The following TRPC1 variants were observed in gnomAD, a reference collection of about 807,000 sequenced individuals.
TRPC1 encodes the protein transient receptor potential cation channel subfamily C member 1.
In TRPC1, 42 loss-of-function variants were observed where a neutral mutation model predicts 88.2. The ratio of observed to expected loss-of-function variants is 0.48; its 90% CI spans 0.37 to 0.62. TRPC1 has a LOEUF of 0.62. TRPC1 is among the 20% of genes least tolerant of loss of function. The probability of loss-of-function intolerance (pLI) is 0.00; values close to 1 mark genes in which losing one functional copy is unlikely to be tolerated. For missense variants in TRPC1, 699 were observed against 957.3 expected, an observed-to-expected ratio of 0.73 and a Z score of 3.56; for synonymous variants, 288 against 331.8, an observed-to-expected ratio of 0.87 and a Z score of 1.43.
intron 9 of TRPC1, 96 bp from the exon 10 acceptor site, chr3:142,802,073 T>C (rs1022727617): frequency 1.2e-6 from 1 of 806,492 alleles, no homozygotes; most frequent in Non-Finnish European, 1.8e-6. Context: ...CTGTGGATTA[T>C]GTGTTTGTCT....
At chr3:142,781,150 G>T in intron 6 of TRPC1, 121 bp downstream of exon 6, 1 of 728,840 alleles carries the variant, frequency 1.4e-6, no homozygotes, top group Non-Finnish European at 2.0e-6. Flanking sequence ...TAAAAATTGT[G>T]TGTCTTGGGA....
At chr3:142,800,600 T>C (rs1578012405) in intron 9 of TRPC1, among the ~76,000 whole-genome samples, 1 of 152,092 alleles carries the variant, frequency 6.6e-6, no homozygotes, top group East Asian at 1.9e-4. Flanking sequence ...AAGGGTTGTT[T>C]CAAAACACTC....
At chr3:142,751,883 C>G (rs574505624) in intron 4 of TRPC1, among the ~76,000 whole-genome samples, 1 of 152,264 alleles carries the variant, frequency 6.6e-6, no homozygotes, top group African/African-American at 2.4e-5. Context: ...ATTTTCAAGT[C>G]TATTTTACAA....
chr3:142,785,628 G>A (rs568725589), intron 7 of TRPC1, among the ~76,000 whole-genome samples: 40 of 152,206 alleles, frequency 2.6e-4, no homozygotes, highest in Middle Eastern at 3.4e-3. Flanking sequence ...TAGCCTCCCA[G>A]TAGCTGGGAT....
rs1044215678 is a variant in TRPC1, at chr3:142,759,910, A to G, written c.632+11450A>G. Reference sequence around the variant, plus strand: ...TGCTCTGTTGCCCAGGCTGGAGTGCAGTGGCGCGATCTCGGCTCACTGCAA... The same window carrying G: ...TGCTCTGTTGCCCAGGCTGGAGTGCGGTGGCGCGATCTCGGCTCACTGCAA... On this transcript the variant is annotated intron_variant, in intron 4 of 12. Coordinates refer to ENST00000476941, the MANE Select transcript of TRPC1 (RefSeq NM_001251845.2). Among the ~76,000 whole-genome samples, 13 of 152,292 alleles carry G rather than the reference A, an allele frequency of 8.5e-5. No homozygotes were observed. In the East Asian group the frequency reaches 2.3e-3, roughly 27 times the overall value.
intron 8 of TRPC1, among the ~76,000 whole-genome samples, chr3:142,791,425 T>A (rs1214637051): frequency 6.6e-6 from 1 of 152,178 alleles, no homozygotes; most frequent in Non-Finnish European, 1.5e-5. Flanking sequence ...ACTGGGATTC[T>A]TTGAGACTGA....
intron 11 of TRPC1, 100 bp from the exon 12 acceptor site, chr3:142,804,335 GC>G (rs1188811479): frequency 8.4e-7 from 1 of 1,193,150 alleles, no homozygotes; most frequent in African/African-American, 1.6e-5. Flanking sequence ...TATAATAATT[GC>G]AAATGTTGAA....
intron 1 of TRPC1, among the ~76,000 whole-genome samples, chr3:142,731,374 ATTTTTTTTTTTTTT>A (rs59613066): frequency 5.0e-5 from 4 of 79,524 alleles, no homozygotes; most frequent in East Asian, 7.2e-4. Context: ...ATATGTTTTG[ATTTTTTTTTTTTTT>A]TTTTTTTTTT....
intron 5 of TRPC1, among the ~76,000 whole-genome samples, chr3:142,779,227 G>A (rs1049500046): frequency 6.6e-6 from 1 of 152,104 alleles, no homozygotes; most frequent in African/African-American, 2.4e-5. Flanking sequence ...ATTTATAAAG[G>A]CTAGATTTTT....
intron 6 of TRPC1, among the ~76,000 whole-genome samples, chr3:142,781,676 A>G (rs1935962273): frequency 6.6e-6 from 1 of 152,150 alleles, no homozygotes; most frequent in Admixed American, 6.5e-5. Context: ...TTGAATCAGG[A>G]AAATATGCAT....
At position 142,748,470 on chromosome 3, in the gene TRPC1, TTAAACTTTTGA is replaced by T. The variant is rs746567533; in HGVS notation, c.632+15_632+25del. On this transcript the variant is annotated intron_variant, in intron 4 of 12. Transcript: ENST00000476941. ...GCCTCCGGCATTCCAGGTTAGAACATTAAACTTTTGATAAATAGATGTGTGATATATATCAA... is the reference window on the plus strand; with the variant it reads ...GCCTCCGGCATTCCAGGTTAGAACATTAAATAGATGTGTGATATATATCAA... 2 of 1,613,126 alleles carry T rather than the reference TTAAACTTTTGA, an allele frequency of 1.2e-6. No individual in the cohort carries two copies. Among genetic ancestry groups the T allele is most frequent in the Non-Finnish European group, 1.7e-6 (2 of 1,179,180 alleles).
At chr3:142,748,928 A>C (rs1187944206) in intron 4 of TRPC1, among the ~76,000 whole-genome samples, 4 of 152,200 alleles carry the variant, frequency 2.6e-5, no homozygotes, top group Non-Finnish European at 5.9e-5. Flanking sequence ...TCTTCAATTA[A>C]AAATGTTAAG....
At chr3:142,750,433 G>T (rs142106653) in intron 4 of TRPC1, among the ~76,000 whole-genome samples, 4,055 of 152,306 alleles carry the variant, frequency 0.027, 80 homozygotes, top group East Asian at 0.065. Flanking sequence ...TGGAGAGGAT[G>T]TGGAGAAATA....
At chr3:142,770,288 G>T (rs867121048) in intron 4 of TRPC1, among the ~76,000 whole-genome samples, 1 of 151,568 alleles carries the variant, frequency 6.6e-6, no homozygotes, top group African/African-American at 2.4e-5. Flanking sequence ...GTAGAGATGG[G>T]GTTTCACTAT....
At chr3:142,761,977 T>A (rs1287881012) in intron 4 of TRPC1, among the ~76,000 whole-genome samples, 3 of 152,206 alleles carry the variant, frequency 2.0e-5, no homozygotes, top group Admixed American at 2.0e-4. Context: ...AGCTAAGGTT[T>A]GTTGATTTTG....
intron 4 of TRPC1, among the ~76,000 whole-genome samples, chr3:142,773,410 TC>T (rs1935645994): frequency 1.3e-5 from 2 of 151,872 alleles, no homozygotes; most frequent in Admixed American, 1.3e-4. Context: ...ATAAATATGC[TC>T]ACAGTACTAA....
chr3:142,751,800 T>G (rs1028992089), intron 4 of TRPC1, among the ~76,000 whole-genome samples: 4 of 152,122 alleles, frequency 2.6e-5, no homozygotes, highest in Non-Finnish European at 5.9e-5. Context: ...TAGTGACAGA[T>G]CTCTAATTTG....
chr3:142,729,656 A>G (rs907648950), intron 1 of TRPC1, among the ~76,000 whole-genome samples: 3 of 152,178 alleles, frequency 2.0e-5, no homozygotes, highest in African/African-American at 7.2e-5. Flanking sequence ...TTATATAGGT[A>G]TTATCGTAAC....
In TRPC1 at chr3:142,794,337, A is replaced by C. The variant is rs140837620; in HGVS notation, c.1581+1370A>C. On this transcript the variant is annotated intron_variant, in intron 9 of 12. Transcript: ENST00000476941. ...TTTATGGACTCCTATAAAGGGTTAA[A>C]AAGGAGAAAGTATAATATTTTTTAG... Among the ~76,000 whole-genome samples the C allele has an allele frequency of 2.8e-4, 42 of 152,268 alleles. 1 individual carries two copies. The highest frequency in any genetic ancestry group is 9.1e-4 in the African/African-American group (38 of 41,566).
Sources: allele counts gnomAD v4.1 joint callset (sites outside exome capture counted in the v4.1 genomes callset), GRCh38; gene constraint gnomAD v4.1.1; transcripts MANE v1.5; gene names NCBI Gene and HGNC (gene_info 2026-07-23, HGNC 2026-07-21).